Variants in PRKN observed in about 807,000 individuals in gnomAD.
PRKN encodes E3 ubiquitin-protein ligase parkin.
A neutral mutation model predicts 59.5 loss-of-function variants in PRKN; 56 were observed. The ratio of observed to expected loss-of-function variants is 0.94; its 90% CI spans 0.76 to 1.18. The LOEUF (loss-of-function observed/expected upper bound fraction) is 1.18, where lower values mean the gene tolerates loss of function less well. Among genes scored for constraint, PRKN ranks in the 50% most tolerant of loss-of-function variants. The pLI is 0.00. For synonymous variants in PRKN, 250 were observed against 222.1 expected, an observed-to-expected ratio of 1.13 and a Z score of -1.12; for missense variants, 657 against 596.4, an observed-to-expected ratio of 1.10 and a Z score of -1.06.
Position 161,933,533 on chromosome 6 carries a change from G to C in PRKN, c.734+39769C>G, listed in dbSNP as rs539276087. Among the ~76,000 whole-genome samples the C allele has an allele frequency of 1.9e-4, 29 of 152,316 alleles. No individual in the cohort carries two copies. In the South Asian group the frequency reaches 3.1e-3, roughly 16 times the overall value. The stretch of plus-strand genomic sequence containing the variant: ...CATATAGCCTCTGAAAAACTCCGTA[G>C]CTTAGTATTGTTATGAAAATAACTT... On this transcript the variant is annotated intron_variant, in intron 6 of 11. Transcript: ENST00000366898.
chr6:162,288,078 T>C (rs765488969), intron 2 of PRKN, among the ~76,000 whole-genome samples: 16 of 152,286 alleles, frequency 1.1e-4, no homozygotes, highest in Non-Finnish European at 2.2e-4. Context: ...AAAATCTTCT[T>C]CTGAACTTAA....
chr6:162,200,437 T>G (rs1411436562), intron 4 of PRKN, among the ~76,000 whole-genome samples: 1 of 152,184 alleles, frequency 6.6e-6, no homozygotes, highest in Admixed American at 6.5e-5. Context: ...GTAGGCAACA[T>G]GTACAGAAAT....
intron 7 of PRKN, among the ~76,000 whole-genome samples, chr6:161,776,961 T>C (rs1789951206): frequency 6.6e-6 from 1 of 152,236 alleles, no homozygotes; most frequent in African/African-American, 2.4e-5. Flanking sequence ...CTTGACCTTC[T>C]TCCCATAGAA....
intron 1 of PRKN, among the ~76,000 whole-genome samples, chr6:162,533,965 C>T (rs1396031156): frequency 9.7e-6 from 1 of 102,888 alleles, no homozygotes; most frequent in African/African-American, 3.4e-5. Flanking sequence ...AGCCAGACTC[C>T]ATCTCAAAAA....
At chr6:162,108,643 G>A (rs1780293053) in intron 4 of PRKN, among the ~76,000 whole-genome samples, 1 of 152,188 alleles carries the variant, frequency 6.6e-6, no homozygotes, top group Non-Finnish European at 1.5e-5. Flanking sequence ...GACAGGGTTA[G>A]TTAAACATAG....
chr6:161,797,530 G>A (rs1195373828), intron 6 of PRKN, among the ~76,000 whole-genome samples: 3 of 152,212 alleles, frequency 2.0e-5, no homozygotes, highest in African/African-American at 4.8e-5. Context: ...CTCCCAAACT[G>A]CTGGGATTTA....
In PRKN at chr6:161,480,638, C is replaced by T. The variant is rs771079032; in HGVS notation, c.1083+68216G>A. ...GAAGCAGACAAGACTCAGGAAATAT[C>T]GTCTCCTTTGTAGGAAATCACCTAA... On this transcript the variant is annotated intron_variant, in intron 9 of 11. Transcript: ENST00000366898. The surrounding 1 kb of genome is among the most constrained non-coding windows in gnomAD (Gnocchi z 4.1). 3.9e-5 allele frequency among the ~76,000 whole-genome samples: 6 copies of T among 152,108 alleles called. No individual in the cohort carries two copies. The highest frequency in any genetic ancestry group is 1.2e-4 in the African/African-American group (5 of 41,424).
intron 3 of PRKN, among the ~76,000 whole-genome samples, chr6:162,255,727 A>T (rs1172541216): frequency 1.3e-5 from 2 of 152,182 alleles, no homozygotes; most frequent in Non-Finnish European, 2.9e-5. Context: ...TGGCAGACAC[A>T]TCACAGCCCA....
At chr6:162,156,052 C>CTA (rs1782500685) in intron 4 of PRKN, among the ~76,000 whole-genome samples, 2 of 144,080 alleles carry the variant, frequency 1.4e-5, no homozygotes, top group Non-Finnish European at 3.0e-5. Context: ...TATATGCCTT[C>CTA]ACCCACATCT....
intron 9 of PRKN, among the ~76,000 whole-genome samples, chr6:161,415,425 TGGCTAA>T (rs1162890041): frequency 6.6e-6 from 1 of 152,104 alleles, no homozygotes. Flanking sequence ...AACTGAGCAA[TGGCTAA>T]GTAGTAAGCA....
At position 161,396,748 on chromosome 6, in the gene PRKN, C is replaced by T. The variant is rs1786778145; in HGVS notation, c.1084-9871G>A. 6.6e-6 allele frequency among the ~76,000 whole-genome samples: 1 copy of T among 152,134 alleles called. No individual in the cohort carries two copies. The highest frequency in any genetic ancestry group is 2.1e-4 in the South Asian group (1 of 4,824). ...ATTTGAGCCCAATTTGTCCCATGTGCCTGTGGGTATCCTTATGCTCTCTAG... is the reference window on the plus strand; with the variant it reads ...ATTTGAGCCCAATTTGTCCCATGTGTCTGTGGGTATCCTTATGCTCTCTAG... On this transcript the variant is annotated intron_variant, in intron 9 of 11. Coordinates refer to ENST00000366898, the MANE Select transcript of PRKN (RefSeq NM_004562.3). This position sits in a 1 kb window ranked among gnomAD's most constrained non-coding sequence, Gnocchi z 5.4.
intron 9 of PRKN, among the ~76,000 whole-genome samples, chr6:161,513,262 A>G (rs574235629): frequency 6.6e-6 from 1 of 152,198 alleles, no homozygotes; most frequent in South Asian, 2.1e-4. Flanking sequence ...GTTTTTTGAG[A>G]TGGGGTCTCG....
chr6:162,187,819 A>G (rs903132441), intron 4 of PRKN, among the ~76,000 whole-genome samples: 1 of 152,152 alleles, frequency 6.6e-6, no homozygotes, highest in Non-Finnish European at 1.5e-5. Context: ...ATCCTCAGTA[A>G]AAGGAACCAC....
chr6:161,549,118 A>G lies in PRKN; in HGVS notation c.934-115T>C, dbSNP rs910424061. 21 of 873,324 alleles carry G rather than the reference A, an allele frequency of 2.4e-5. No individual in the cohort carries two copies. Among genetic ancestry groups the G allele is most frequent in the East Asian group, 1.4e-4 (5 of 36,548 alleles). The allele number at this position is 873,324 out of a possible 1,614,324, so 54.1% of individuals were successfully genotyped here. ...TTAACCAGTTTCAGTAAAATAATGC[A>G]TGTGTGTGTGTGTGTGTGTGTGTAG... is the stretch of plus-strand genomic sequence containing the variant. On this transcript the variant is annotated intron_variant, in intron 8 of 11. Transcript: ENST00000366898. This position sits in a 1 kb window ranked among gnomAD's most constrained non-coding sequence, Gnocchi z 6.0.
intron 6 of PRKN, among the ~76,000 whole-genome samples, chr6:161,944,390 G>A (rs1267617800): frequency 6.6e-6 from 1 of 152,112 alleles, no homozygotes; most frequent in Non-Finnish European, 1.5e-5. Flanking sequence ...TGCAAGGCCC[G>A]GCACAGACCC....
intron 7 of PRKN, among the ~76,000 whole-genome samples, chr6:161,675,595 ATCT>A (rs1785057640): frequency 1.3e-5 from 2 of 152,130 alleles, no homozygotes; most frequent in South Asian, 2.1e-4. Context: ...GCAAGAATGA[ATCT>A]TCTTCATCTC....
chr6:161,830,237 CTTTGTTTTT>C (rs1333826877), intron 6 of PRKN, among the ~76,000 whole-genome samples: 8 of 151,372 alleles, frequency 5.3e-5, no homozygotes, highest in African/African-American at 1.9e-4. Flanking sequence ...TCGGGGTTAC[CTTTGTTTTT>C]TTTGTTTTTT....
chr6:161,869,533 G>T (rs990830301), intron 6 of PRKN, among the ~76,000 whole-genome samples: 2 of 152,082 alleles, frequency 1.3e-5, no homozygotes, highest in Admixed American at 6.6e-5. Flanking sequence ...TAGTATAATG[G>T]TTTCTATTTA....
chr6:161,844,293 C>T (rs57609283), intron 6 of PRKN, among the ~76,000 whole-genome samples: 1 of 152,140 alleles, frequency 6.6e-6, no homozygotes. Flanking sequence ...ATTACAAAGT[C>T]GCATCAAAAG....
Sources: allele counts gnomAD v4.1 joint callset (sites outside exome capture counted in the v4.1 genomes callset), GRCh38; gene constraint gnomAD v4.1.1; non-coding constraint Gnocchi (gnomAD v3.1); transcripts MANE v1.5; gene names NCBI Gene and HGNC (gene_info 2026-07-23, HGNC 2026-07-21).